Variants in SLC16A3 observed in about 807,000 individuals in gnomAD.
SLC16A3 encodes solute carrier family 16 member 3.
SLC16A3 carries 22 observed loss-of-function variants against 25.0 expected under a neutral mutation model. The observed-to-expected ratio is 0.88, with a 90% confidence interval of 0.63 to 1.26. SLC16A3 has a LOEUF of 1.26. Ranked by LOEUF, SLC16A3 falls within the 50% of genes most tolerant of loss-of-function variation. The pLI is 0.00. For synonymous variants in SLC16A3, 390 were observed against 309.2 expected (o/e 1.26, Z -2.74); for missense variants, 731 against 666.6 (o/e 1.10, Z -1.06).
chr17:82,235,131 G>C (rs1185256954), intron 1 of SLC16A3: 1 of 152,298 alleles, frequency 6.6e-6, no homozygotes, highest in Non-Finnish European at 1.5e-5. Flanking sequence ...CAGACATCGT[G>C]GGGGCTGGCA....
chr17:82,226,052 C>T (rs747565516), upstream of SLC16A3, among the ~76,000 whole-genome samples: 5 of 151,926 alleles, frequency 3.3e-5, no homozygotes, highest in Non-Finnish European at 7.4e-5. Context: ...GGACTGCGCA[C>T]CCCAGGGAGC....
At chr17:82,233,945 A>G (rs969521185) in intron 1 of SLC16A3, 8 of 151,786 alleles carry the variant, frequency 5.3e-5, no homozygotes, top group African/African-American at 1.9e-4. Flanking sequence ...GGTTCACGCC[A>G]TTCTCCTGCC....
chr17:82,232,649 C>T (rs1454127525), intron 1 of SLC16A3, among the ~76,000 whole-genome samples: 1 of 152,210 alleles, frequency 6.6e-6, no homozygotes, highest in African/African-American at 2.4e-5. Context: ...GCCAGGGGTC[C>T]TTGCAGAGCC....
chr17:82,230,188 T>G (rs1343649189), intron 1 of SLC16A3: 2 of 152,278 alleles, frequency 1.3e-5, no homozygotes, highest in Non-Finnish European at 2.9e-5. Context: ...TCCGCCAGCG[T>G]GGTGTGGAGG....
chr17:82,231,437 G>C (rs1367357261), intron 1 of SLC16A3: 1 of 152,288 alleles, frequency 6.6e-6, no homozygotes. Flanking sequence ...CGGTGGGGTA[G>C]GGGGCGCCTC....
rs745808851 is a variant in SLC16A3 at position 82,236,188 on chromosome 17, A to G, written c.180A>G (p.Thr60=). 1 of 1,613,036 alleles carries G rather than the reference A, an allele frequency of 6.2e-7. No homozygotes were observed. Among genetic ancestry groups the G allele is most frequent in the Admixed American group, 1.7e-5 (1 of 60,034 alleles). The change falls in exon 2 of 5, where the codon ACA becomes ACG. Residue 60 remains threonine (T), a synonymous_variant. Coordinates refer to ENST00000582743, the MANE Select transcript of SLC16A3 (RefSeq NM_004207.4). The part of the protein sequence containing the change: ...IQEFGIGYSD[T]AWISSILLAM... ...AGTTTGGGATCGGCTACAGCGACAC[A>G]GCCTGGATCTCCTCCATCCTGCTGG...
chr17:82,236,953 G>A, intron 3 of SLC16A3, 81 bp downstream of exon 3: 1 of 1,559,242 alleles, frequency 6.4e-7, no homozygotes, highest in Admixed American at 1.7e-5. Flanking sequence ...CAGGCCTCTG[G>A]AGGACAGCAG....
chr17:82,235,784 G>C, intron 1 of SLC16A3, 199 bp from the exon 2 acceptor site: 1 of 594,614 alleles, frequency 1.7e-6, no homozygotes, highest in South Asian at 2.0e-5. Context: ...AGTGCAGAGG[G>C]AGTGGGACCC....
upstream of SLC16A3, chr17:82,228,382 T>G (rs1258523591): frequency 1.3e-5 from 2 of 151,950 alleles, no homozygotes; most frequent in East Asian, 3.9e-4. Context: ...GGTGGCTTTG[T>G]AGGGCCCCGC....
Position 82,236,021 on chromosome 17 carries a change from G to A in SLC16A3, c.13G>A (p.Val5Met), listed in dbSNP as rs373917240. 33 of 1,611,662 alleles carry A rather than the reference G, an allele frequency of 2.0e-5. No homozygotes were observed. The African/African-American group carries it at 2.3e-4, about 11-fold the overall frequency. The change falls in exon 2 of 5, where the codon GTG becomes ATG. Residue 5 changes from valine (V) to methionine (M), a missense_variant. Val to Met is a conservative substitution (Grantham distance 21). Transcript: ENST00000582743. Reference protein sequence around the residue: MGGAVVDEGPTGVKA... With the variant: MGGAMVDEGPTGVKA... ...AACCCTCCTGGCCATGGGAGGGGCC[G>A]TGGTGGACGAGGGCCCCACAGGCGT...
intron 1 of SLC16A3, among the ~76,000 whole-genome samples, chr17:82,218,854 G>A (rs1411587144): frequency 1.3e-5 from 2 of 152,186 alleles, no homozygotes; most frequent in African/African-American, 2.4e-5. Flanking sequence ...CCATCCAGGC[G>A]CTGGGGTGGG....
At chr17:82,221,829 A>G (rs2050390531) in intron 1 of SLC16A3, among the ~76,000 whole-genome samples, 1 of 151,928 alleles carries the variant, frequency 6.6e-6, no homozygotes, top group Non-Finnish European at 1.5e-5. Context: ...ACTTGAGCCC[A>G]GGAGTTCCTG....
chr17:82,224,262 A>G (rs549561135), upstream of SLC16A3, among the ~76,000 whole-genome samples: 49 of 70,764 alleles, frequency 6.9e-4, 1 homozygote, highest in Non-Finnish European at 1.0e-3. Context: ...TCACCTGTGC[A>G]GACACACCCC....
Position 82,238,695 on chromosome 17 carries a change from C to T in SLC16A3, c.1124-7C>T. ...GAGCGGCTGGGACTGACGGGGTCTT[C>T]CCGCAGGCAAACTCCTGGATGCGAC... On this transcript the variant is annotated splice_polypyrimidine_tract_variant and splice_region_variant and intron_variant, in intron 4 of 4. Transcript: ENST00000582743. 1 of 1,604,274 alleles carries T rather than the reference C, an allele frequency of 6.2e-7. No individual in the cohort carries two copies. The highest frequency in any genetic ancestry group is 8.5e-7 in the Non-Finnish European group (1 of 1,175,094).
At chr17:82,220,675 C>T (rs2147105862) in intron 1 of SLC16A3, among the ~76,000 whole-genome samples, 1 of 152,118 alleles carries the variant, frequency 6.6e-6, no homozygotes. Context: ...AGTGCTGGGG[C>T]AACTGGATAT....
intron 1 of SLC16A3, among the ~76,000 whole-genome samples, chr17:82,222,783 A>T (rs2050397154): frequency 6.8e-6 from 1 of 147,998 alleles, no homozygotes; most frequent in South Asian, 2.2e-4. Context: ...AGCCTGGGGG[A>T]CAAGAGCGAG....
upstream of SLC16A3, among the ~76,000 whole-genome samples, chr17:82,228,860 G>C (rs1352311519): frequency 2.6e-5 from 4 of 150,972 alleles, no homozygotes; most frequent in Admixed American, 2.6e-4. Context: ...GGTTGGGGGG[G>C]TCCCTGGGCC....
Position 82,229,072 on chromosome 17 carries a change from GC to G in SLC16A3, c.-60del, listed in dbSNP as rs2050452209. 6.8e-6 allele frequency: 1 copy of G among 146,962 alleles called. No homozygotes were observed. Among genetic ancestry groups the G allele is most frequent in the South Asian group, 1.9e-4 (1 of 5,150 alleles). 9.1% of individuals were successfully genotyped at this position (146,962 alleles called of 1,614,324 possible). A position where few individuals can be genotyped will look rare whatever the true frequency, so the allele number is the denominator to read the frequency against. Reference sequence around the variant, plus strand: ...AGGCGGGCAGAGGCGGCGAGAGGCGGCGAGAGGCGGGCTGAGGCGGCCCAGC... The same window carrying G: ...AGGCGGGCAGAGGCGGCGAGAGGCGGGAGAGGCGGGCTGAGGCGGCCCAGC... On this transcript the variant is annotated 5_prime_UTR_variant, in exon 1 of 5. Transcript: ENST00000582743.
Position 82,237,446 on chromosome 17 carries a change from CGCG to C in SLC16A3, c.679_681del (p.Gly227del). 1 of 1,597,640 alleles carries C rather than the reference CGCG, an allele frequency of 6.3e-7. No homozygotes were observed. The highest frequency in any genetic ancestry group is 8.5e-7 in the Non-Finnish European group (1 of 1,173,910). On this transcript the variant is annotated inframe_deletion, in exon 4 of 5. Coordinates refer to ENST00000582743, the MANE Select transcript of SLC16A3 (RefSeq NM_004207.4). ...GCTAGACCTGAGCGTCTTCCGGGACCGCGGCTTTGTGCTTTACGCCGTGGCCGC... is the reference window on the plus strand; with the variant it reads ...GCTAGACCTGAGCGTCTTCCGGGACCGCTTTGTGCTTTACGCCGTGGCCGC...
Sources: gnomAD v4.1 joint callset for allele counts (sites outside exome capture counted in the v4.1 genomes callset) on GRCh38, gnomAD v4.1.1 for gene constraint, MANE v1.5 for transcripts, NCBI Gene and HGNC (gene_info 2026-07-23, HGNC 2026-07-21) for gene names.